Variants in CRABP2 observed in about 807,000 individuals in gnomAD.
CRABP2 encodes the protein cellular retinoic acid-binding protein 2.
A neutral mutation model predicts 17.9 loss-of-function variants in CRABP2; 20 were observed. That is an observed-to-expected ratio of 1.12 (90% CI 0.79 to 1.63). CRABP2 has a LOEUF of 1.63. Among genes scored for constraint, CRABP2 ranks in the 40% most tolerant of loss-of-function variants. The pLI, the probability that CRABP2 is intolerant of heterozygous loss-of-function variation, is 0.00. For synonymous variants in CRABP2, 76 were observed against 66.4 expected (o/e 1.14, Z -0.70); for missense variants, 151 against 168.6 (o/e 0.90, Z 0.58).
At chr1:156,702,505 G>A (rs1010525333) in intron 1 of CRABP2, among the ~76,000 whole-genome samples, 1 of 151,974 alleles carries the variant, frequency 6.6e-6, no homozygotes, top group African/African-American at 2.4e-5. Context: ...TGGCGCAGTG[G>A]CCCATGCCTG....
intron 1 of CRABP2, among the ~76,000 whole-genome samples, chr1:156,701,376 A>C (rs1648028808): frequency 6.6e-6 from 1 of 152,122 alleles, no homozygotes; most frequent in African/African-American, 2.4e-5. Context: ...CTTCAGTCCC[A>C]GAATGCCCAG....
Position 156,699,994 on chromosome 1 carries a change from T to G in CRABP2, c.*32A>C. 1 of 1,606,452 alleles carries G rather than the reference T, an allele frequency of 6.2e-7. No individual in the cohort carries two copies. Among genetic ancestry groups the G allele is most frequent in the East Asian group, 2.3e-5 (1 of 44,396 alleles). ...GCAGGGCGGTGAGCATGGCCAGTGGTGGGCTTCGGCCGCGGTTCTACCTGT... is the reference window on the plus strand; with the variant it reads ...GCAGGGCGGTGAGCATGGCCAGTGGGGGGCTTCGGCCGCGGTTCTACCTGT... On this transcript the variant is annotated 3_prime_UTR_variant, in exon 4 of 4. Transcript: ENST00000368222.
intron 1 of CRABP2, among the ~76,000 whole-genome samples, chr1:156,703,144 A>G (rs539796658): frequency 1.6e-4 from 24 of 152,022 alleles, no homozygotes; most frequent in Non-Finnish European, 2.9e-4. Context: ...CTGTCCCCTC[A>G]AGGGAACCCC....
intron 3 of CRABP2, 72 bp downstream of exon 3, chr1:156,700,470 C>A: frequency 8.0e-7 from 1 of 1,255,354 alleles, no homozygotes; most frequent in Non-Finnish European, 1.2e-6. Flanking sequence ...GTCTCCTGCA[C>A]CCTGGGGTCT....
rs376354515 is a variant in CRABP2 at position 156,700,915 on chromosome 1, C to T, written c.208G>A (p.Glu70Lys). The stretch of plus-strand genomic sequence containing the variant: ...TCCACAGTCTGCTCCTCAAACTCCT[C>T]CCCAACCTTGAAGTTAATCTCTGTG... ...RTTEINFKVG[E>K]EFEEQTVDGR... is the part of the protein sequence containing the mutation. Residue 70 changes from glutamate (E) to lysine (K), a missense_variant, in exon 2 of 4, where the codon GAG becomes AAG. Coordinates refer to ENST00000368222, the MANE Select transcript of CRABP2 (RefSeq NM_001878.4). The T allele has an allele frequency of 3.1e-5, 50 of 1,614,034 alleles. No individual in the cohort carries two copies. The highest frequency in any genetic ancestry group is 4.2e-5 in the Non-Finnish European group (49 of 1,180,012).
chr1:156,702,211 G>GGGA (rs1648057522), intron 1 of CRABP2, among the ~76,000 whole-genome samples: 1 of 150,626 alleles, frequency 6.6e-6, no homozygotes, highest in Non-Finnish European at 1.5e-5. Context: ...CCAGCACTTT[G>GGGA]GGAGGCCGAG....
chr1:156,703,888 C>T (rs547576973), intron 1 of CRABP2, among the ~76,000 whole-genome samples: 5 of 152,298 alleles, frequency 3.3e-5, no homozygotes, highest in South Asian at 2.1e-4. Flanking sequence ...CCAGCTTAGC[C>T]GGCCTTAGCT....
At chr1:156,703,826 T>C (rs888957895) in intron 1 of CRABP2, among the ~76,000 whole-genome samples, 7 of 152,096 alleles carry the variant, frequency 4.6e-5, no homozygotes, top group Non-Finnish European at 1.0e-4. Flanking sequence ...CAAGGCTGGG[T>C]TCAGAGGAGA....
intron 1 of CRABP2, among the ~76,000 whole-genome samples, chr1:156,703,238 C>T (rs1228701883): frequency 6.6e-6 from 1 of 152,112 alleles, no homozygotes; most frequent in Non-Finnish European, 1.5e-5. Flanking sequence ...ACCCCCCACT[C>T]CCCTCACAGG....
At position 156,705,554 on chromosome 1, in the gene CRABP2, C is replaced by T. The variant is rs1648171298; in HGVS notation, c.-108G>A. 4 of 1,255,568 alleles carry T rather than the reference C, an allele frequency of 3.2e-6. No individual in the cohort carries two copies. The highest frequency in any genetic ancestry group is 2.4e-5 in the South Asian group (2 of 81,892). The allele number at this position is 1,255,568 out of a possible 1,614,324, so 77.8% of individuals were successfully genotyped here. On this transcript the variant is annotated 5_prime_UTR_variant, in exon 1 of 4. Coordinates refer to ENST00000368222, the MANE Select transcript of CRABP2 (RefSeq NM_001878.4). This position sits in a 1 kb window ranked among gnomAD's most constrained non-coding sequence, Gnocchi z 5.2. ...TCGCCGGGTCGTCAGGTTCTGGAACCAAGACAAGTCCAGGGACAACCCCAA... is the reference window on the plus strand; with the variant it reads ...TCGCCGGGTCGTCAGGTTCTGGAACTAAGACAAGTCCAGGGACAACCCCAA...
rs762276930 is a variant in CRABP2, at chr1:156,700,598, C to T, written c.310G>A (p.Glu104Lys). The T allele has an allele frequency of 6.2e-7, 1 of 1,614,204 alleles. No individual in the cohort carries two copies. The highest frequency in any genetic ancestry group is 8.5e-7 in the Non-Finnish European group (1 of 1,180,022). ...CTGGTCCACGAGGTCTTGGGGCCCT[C>T]TCCCTTCAGGAGCTTCTGCTCACAG... ...MVCEQKLLKG[E>K]GPKTSWTREL... The change falls in exon 3 of 4, where the codon GAG (glutamate) becomes AAG (lysine). Residue 104 changes from glutamate (E) to lysine (K), a missense_variant. Coordinates refer to ENST00000368222, the MANE Select transcript of CRABP2 (RefSeq NM_001878.4).
chr1:156,701,145 G>T, intron 1 of CRABP2, 93 bp from the exon 2 acceptor site: 1 of 1,423,422 alleles, frequency 7.0e-7, no homozygotes, highest in South Asian at 1.3e-5. Context: ...GCTGATTTGT[G>T]ACTTGCTTGG....
chr1:156,704,544 CACAGAAG>C (rs1286935701), intron 1 of CRABP2, among the ~76,000 whole-genome samples: 3 of 152,200 alleles, frequency 2.0e-5, no homozygotes, highest in Non-Finnish European at 2.9e-5. Flanking sequence ...CCAGAGGGCA[CACAGAAG>C]GTGGGCTGGA....
At chr1:156,701,194 G>A in intron 1 of CRABP2, 142 bp from the exon 2 acceptor site, 1 of 818,414 alleles carries the variant, frequency 1.2e-6, no homozygotes, top group African/African-American at 1.7e-5. Flanking sequence ...TGGTGCCTGG[G>A]TGTCTAAGAA....
intron 3 of CRABP2, 59 bp from the exon 4 acceptor site, chr1:156,700,135 G>A: frequency 1.9e-6 from 3 of 1,567,230 alleles, no homozygotes; most frequent in Non-Finnish European, 2.6e-6. Flanking sequence ...TGGCTTTGGA[G>A]AGGAGGGTTG....
chr1:156,705,386 T>C lies in CRABP2; in HGVS notation c.61A>G (p.Lys21Glu). ...TCGAACATTTCCTTACCCAGCACTT[T>C]GAGCAATTCCTCGAAGTTTTCCGAT... ...IRSENFEELL[K>E]VLGVNVMLRK... Residue 21 changes from lysine to glutamate, a missense_variant, in exon 1 of 4, where the codon AAA (lysine) becomes GAA (glutamate). Transcript: ENST00000368222. This position sits in a 1 kb window ranked among gnomAD's most constrained non-coding sequence, Gnocchi z 5.2. 6.2e-7 allele frequency: 1 copy of C among 1,614,040 alleles called. No homozygotes were observed. Among genetic ancestry groups the C allele is most frequent in the South Asian group, 1.1e-5 (1 of 91,082 alleles).
At chr1:156,702,738 C>T (rs1362492175) in intron 1 of CRABP2, among the ~76,000 whole-genome samples, 7 of 145,542 alleles carry the variant, frequency 4.8e-5, no homozygotes, top group African/African-American at 1.6e-4. Flanking sequence ...TGCCATTGCA[C>T]TCCAGCCTGG....
rs1648159404 is a variant in CRABP2, at chr1:156,705,219, C to G, written c.70+158G>C. On this transcript the variant is annotated intron_variant, in intron 1 of 3. Transcript: ENST00000368222. This position sits in a 1 kb window ranked among gnomAD's most constrained non-coding sequence, Gnocchi z 5.2. ...GAGAAAGCGGGATTTAGGCGTCGTG[C>G]CCAGAGCCCCGGGACCCGGACGCCT... 6.6e-6 allele frequency among the ~76,000 whole-genome samples: 1 copy of G among 152,248 alleles called. No individual in the cohort carries two copies. The highest frequency in any genetic ancestry group is 1.5e-5 in the Non-Finnish European group (1 of 68,036).
chr1:156,701,968 G>A (rs1260786617), intron 1 of CRABP2, among the ~76,000 whole-genome samples: 1 of 148,876 alleles, frequency 6.7e-6, no homozygotes, highest in Non-Finnish European at 1.5e-5. Flanking sequence ...CTGAAACCCC[G>A]ACTCTACCAA....
Sources: gnomAD v4.1 joint callset for allele counts (sites outside exome capture counted in the v4.1 genomes callset) on GRCh38, gnomAD v4.1.1 for gene constraint, Gnocchi (gnomAD v3.1) non-coding constraint, MANE v1.5 for transcripts, NCBI Gene and HGNC (gene_info 2026-07-23, HGNC 2026-07-21) for gene names.